MYO9B: variants seen among roughly 807,000 people sequenced by gnomAD.
MYO9B encodes myosin IXB.
Under a neutral mutation model 229.5 loss-of-function variants are expected in MYO9B, and 71 were observed. That is an observed-to-expected ratio of 0.31 (90% CI 0.26 to 0.38). The LOEUF is 0.38. MYO9B is among the 10% of genes least tolerant of loss of function. The pLI, the probability that MYO9B is intolerant of heterozygous loss-of-function variation, is 1.00. For missense variants in MYO9B, 2,255 were observed against 2,920.5 expected (o/e 0.77, Z 5.25); for synonymous variants, 1,185 against 1,235.8 (o/e 0.96, Z 0.86).
At position 17,200,625 on chromosome 19, in the gene MYO9B, C is replaced by T. The variant is rs1181456051; in HGVS notation, c.4373-14C>T. On this transcript the variant is annotated splice_polypyrimidine_tract_variant and intron_variant, in intron 25 of 39. Transcript: ENST00000682292. ...TGAACCCACCCTCACCGGCTGCTTC[C>T]TGTCCCCCCTCAGCCCCCTCCGGAC... The T allele has an allele frequency of 6.2e-7, 1 of 1,604,770 alleles. No homozygotes were observed. Among genetic ancestry groups the T allele is most frequent in the Non-Finnish European group, 8.5e-7 (1 of 1,175,380 alleles).
intron 2 of MYO9B, among the ~76,000 whole-genome samples, chr19:17,108,161 C>T (rs989976635): frequency 1.3e-5 from 2 of 152,216 alleles, no homozygotes; most frequent in Non-Finnish European, 2.9e-5. Context: ...TGAGTCAGAC[C>T]CCCGGTCCTG....
At chr19:17,143,949 T>G (rs780567468) in intron 2 of MYO9B, among the ~76,000 whole-genome samples, 92 of 145,810 alleles carry the variant, frequency 6.3e-4, no homozygotes, top group Non-Finnish European at 1.1e-3. Context: ...AAAAGAAAAA[T>G]AACTGTTGGA....
At chr19:17,081,606 T>A (rs927875356) in intron 1 of MYO9B, among the ~76,000 whole-genome samples, 3 of 151,720 alleles carry the variant, frequency 2.0e-5, no homozygotes, top group Non-Finnish European at 4.4e-5. Context: ...GTCAGGAGTT[T>A]GAGACCAGCC....
intron 8 of MYO9B, among the ~76,000 whole-genome samples, chr19:17,160,524 T>TTTG (rs2072588047): frequency 6.7e-6 from 1 of 149,980 alleles, no homozygotes; most frequent in South Asian, 2.1e-4. Flanking sequence ...TTTTTTTTTT[T>TTTG]TTTGAGATAG....
chr19:17,076,591 C>G (rs2057486900), intron 1 of MYO9B, among the ~76,000 whole-genome samples: 1 of 152,004 alleles, frequency 6.6e-6, no homozygotes, highest in Non-Finnish European at 1.5e-5. Context: ...GTCCCCCCAC[C>G]CTCCCCTCTT....
chr19:17,105,000 AGT>A (rs1400240953), intron 2 of MYO9B, among the ~76,000 whole-genome samples: 1 of 151,946 alleles, frequency 6.6e-6, no homozygotes, highest in Non-Finnish European at 1.5e-5. Context: ...CTGCCGTTGG[AGT>A]GTCACAGAGT....
chr19:17,193,128 C>A lies in MYO9B; in HGVS notation c.3128+66C>A. 7.1e-7 allele frequency: 1 copy of A among 1,408,456 alleles called. No homozygotes were observed. The highest frequency in any genetic ancestry group is 9.3e-7 in the Non-Finnish European group (1 of 1,076,812). 87.2% of individuals were successfully genotyped at this position (1,408,456 alleles called of 1,614,324 possible). Reference sequence around the variant, plus strand: ...GCCAAAAAGGTCACTCACCAAATTGCTGCCCGTGATATACCATCTGGCCTG... The same window carrying A: ...GCCAAAAAGGTCACTCACCAAATTGATGCCCGTGATATACCATCTGGCCTG... On this transcript the variant is annotated intron_variant, in intron 21 of 39. Transcript: ENST00000682292. This position sits in a 1 kb window ranked among gnomAD's most constrained non-coding sequence, Gnocchi z 4.3.
At chr19:17,145,581 A>C in intron 3 of MYO9B, 90 bp downstream of exon 3, 3 of 1,132,578 alleles carry the variant, frequency 2.6e-6, no homozygotes, top group South Asian at 1.2e-5. Context: ...TGTGGAGATC[A>C]TGGCTGTGTG....
chr19:17,143,688 C>G (rs530580139), intron 2 of MYO9B, among the ~76,000 whole-genome samples: 3 of 151,680 alleles, frequency 2.0e-5, no homozygotes, highest in Non-Finnish European at 4.4e-5. Context: ...TTTGAGAGGC[C>G]GGGGCGGGCA....
At chr19:17,117,004 A>G (rs190977106) in intron 2 of MYO9B, among the ~76,000 whole-genome samples, 69 of 152,284 alleles carry the variant, frequency 4.5e-4, no homozygotes, top group Admixed American at 7.2e-4. Context: ...GAGTGAAATT[A>G]TGGGGTATAT....
In MYO9B at chr19:17,202,900, T is replaced by C. The variant is rs572767716; in HGVS notation, c.4878+17T>C. 5 of 1,597,382 alleles carry C rather than the reference T, an allele frequency of 3.1e-6. No individual in the cohort carries two copies. Among genetic ancestry groups the C allele is most frequent in the Middle Eastern group, 1.7e-4 (1 of 6,048 alleles). On this transcript the variant is annotated intron_variant, in intron 29 of 39. Transcript: ENST00000682292. ...GAGCGTGCTGTGAGTAGGCTGCACA[T>C]AGATGAGAGTCCGAGCAGGCGAACA...
chr19:17,097,777 C>T (rs996101878), intron 1 of MYO9B, among the ~76,000 whole-genome samples: 3 of 152,182 alleles, frequency 2.0e-5, no homozygotes, highest in Non-Finnish European at 4.4e-5. Flanking sequence ...CTGAGTCATG[C>T]TTCTCTTTAG....
At chr19:17,110,193 G>A (rs935301948) in intron 2 of MYO9B, among the ~76,000 whole-genome samples, 2 of 152,312 alleles carry the variant, frequency 1.3e-5, no homozygotes, top group South Asian at 2.1e-4. Context: ...CGCCCCCCGC[G>A]AGGGTTGCAG....
chr19:17,172,714 T>C lies in MYO9B; in HGVS notation c.1936-45T>C. On this transcript the variant is annotated intron_variant, in intron 12 of 39. Coordinates refer to ENST00000682292, the MANE Select transcript of MYO9B (RefSeq NM_004145.4). The surrounding 1 kb of genome is among the most constrained non-coding windows in gnomAD (Gnocchi z 8.2). The stretch of plus-strand genomic sequence containing the variant: ...GCCCGGGGTCTTTGGTAGGCGCCGG[T>C]GAGTGACTATCCCCGAGTGACCGCC... 1 of 1,599,956 alleles carries C rather than the reference T, an allele frequency of 6.3e-7. No homozygotes were observed.
rs749456494 is a variant in MYO9B, at chr19:17,102,252, G to C, written c.535G>C (p.Ala179Pro). The C allele has an allele frequency of 6.2e-7, 1 of 1,614,006 alleles. No homozygotes were observed. The highest frequency in any genetic ancestry group is 2.2e-5 in the East Asian group (1 of 44,880). ...RFLQQKIYTY[A>P]GSILVAINPF... ...CCTGCAACAAAAGATCTACACGTAC[G>C]CGGGGAGCATCCTGGTGGCCATCAA... The change falls in exon 2 of 40, where the codon GCG becomes CCG. Residue 179 changes from alanine (A) to proline (P), a missense_variant. Transcript: ENST00000682292.
intron 3 of MYO9B, among the ~76,000 whole-genome samples, chr19:17,147,342 A>C (rs1378358824): frequency 6.6e-6 from 1 of 152,088 alleles, no homozygotes; most frequent in African/African-American, 2.4e-5. Flanking sequence ...CGGGAGTTCA[A>C]GACCAGCCTG....
At chr19:17,165,070 A>C (rs914154547) in intron 10 of MYO9B, among the ~76,000 whole-genome samples, 1 of 151,984 alleles carries the variant, frequency 6.6e-6, no homozygotes, top group African/African-American at 2.4e-5. Context: ...GGGTCTTGCT[A>C]TGTTGCCCAG....
rs1414697311 is a variant in MYO9B at position 17,210,632 on chromosome 19, AC to A, written c.5797-81del. On this transcript the variant is annotated intron_variant, in intron 37 of 39. Transcript: ENST00000682292. ...GCCCAGCACACTCACATCACAACTA[AC>A]CTCCTGGGATCTGCTCACACCTCCG... 8 of 1,443,228 alleles carry A rather than the reference AC, an allele frequency of 5.5e-6. No individual in the cohort carries two copies. The East Asian group carries it at 2.0e-4, about 36-fold the overall frequency. 89.4% of individuals were successfully genotyped at this position (1,443,228 alleles called of 1,614,324 possible).
intron 2 of MYO9B, among the ~76,000 whole-genome samples, chr19:17,114,693 T>C (rs2057883589): frequency 6.6e-6 from 1 of 152,138 alleles, no homozygotes; most frequent in Admixed American, 6.6e-5. Context: ...AGGAGAGTGC[T>C]GGTTTGTGCG....
Sources: gnomAD v4.1 joint callset for allele counts (sites outside exome capture counted in the v4.1 genomes callset) on GRCh38, gnomAD v4.1.1 for gene constraint, Gnocchi (gnomAD v3.1) non-coding constraint, MANE v1.5 for transcripts, NCBI Gene and HGNC (gene_info 2026-07-23, HGNC 2026-07-21) for gene names.